The following TMEM163 variants were observed in gnomAD, a reference collection of about 807,000 sequenced individuals.
TMEM163 encodes the protein transmembrane protein 163.
In TMEM163, 17 loss-of-function variants were observed where a neutral mutation model predicts 29.3. The observed-to-expected ratio is 0.58, with a 90% CI of 0.40 to 0.87. TMEM163 has a LOEUF of 0.87. Ranked by LOEUF, TMEM163 falls within the 40% of genes least tolerant of loss-of-function variation. The probability of loss-of-function intolerance (pLI) is 0.00; values close to 1 mark genes in which losing one functional copy is unlikely to be tolerated. For missense variants in TMEM163, 303 were observed against 381.5 expected, an observed-to-expected ratio of 0.79 and a Z score of 1.71; for synonymous variants, 157 against 160.6, an observed-to-expected ratio of 0.98 and a Z score of 0.17.
chr2:134,565,316 A>C (rs887750782), intron 2 of TMEM163, among the ~76,000 whole-genome samples: 5 of 151,456 alleles, frequency 3.3e-5, no homozygotes, highest in Admixed American at 1.3e-4. Flanking sequence ...ATGGAAATAC[A>C]TACTTATGGC....
chr2:134,516,587 A>G (rs1363397742), intron 4 of TMEM163, among the ~76,000 whole-genome samples: 1 of 148,510 alleles, frequency 6.7e-6, no homozygotes, highest in East Asian at 2.0e-4. Context: ...ATATATATTC[A>G]TATATATTCA....
chr2:134,487,010 CA>C (rs1043777827), intron 5 of TMEM163, among the ~76,000 whole-genome samples: 1 of 152,112 alleles, frequency 6.6e-6, no homozygotes, highest in Non-Finnish European at 1.5e-5. Context: ...ACCAAACAAG[CA>C]AACCTCTTAG....
At chr2:134,597,057 A>G (rs1316781548) in intron 2 of TMEM163, among the ~76,000 whole-genome samples, 1 of 152,168 alleles carries the variant, frequency 6.6e-6, no homozygotes, top group Non-Finnish European at 1.5e-5. Flanking sequence ...TGTCATCTGC[A>G]AACAGGGACA....
At chr2:134,562,279 T>C (rs886519313) in intron 2 of TMEM163, among the ~76,000 whole-genome samples, 4 of 152,368 alleles carry the variant, frequency 2.6e-5, no homozygotes, top group African/African-American at 7.2e-5. Context: ...ATCATATTTG[T>C]CTCTATCCTC....
chr2:134,622,012 T>G (rs2104825577), intron 2 of TMEM163, among the ~76,000 whole-genome samples: 1 of 152,236 alleles, frequency 6.6e-6, no homozygotes, highest in Non-Finnish European at 1.5e-5. Flanking sequence ...TGAATGAAAT[T>G]TATTATGCTC....
chr2:134,469,373 CACTT>C (rs1686741407), intron 5 of TMEM163: 1 of 152,154 alleles, frequency 6.6e-6, no homozygotes, highest in South Asian at 2.1e-4. Context: ...GCGGGAGTCC[CACTT>C]ACTAGCTAGG....
At chr2:134,558,212 T>C (rs1207797001) in intron 2 of TMEM163, among the ~76,000 whole-genome samples, 9 of 152,120 alleles carry the variant, frequency 5.9e-5, no homozygotes. Flanking sequence ...AGTGGTTTGT[T>C]AATGGCCCAA....
At position 134,599,741 on chromosome 2, in the gene TMEM163, C is replaced by G. The variant is rs146949410; in HGVS notation, c.323-47650G>C. Among the ~76,000 whole-genome samples, 89 of 150,644 alleles carry G rather than the reference C, an allele frequency of 5.9e-4. 1 individual carries two copies. The East Asian group carries it at 0.013, about 21-fold the overall frequency. On this transcript the variant is annotated intron_variant, in intron 2 of 7. Transcript: ENST00000281924. ...AGAGACAGGATTTCGCCATGTTGCC[C>G]GGGCTGGTCTTGAACTCCTGGGCTC...
chr2:134,610,994 A>C (rs1390399203), intron 2 of TMEM163, among the ~76,000 whole-genome samples: 1 of 152,214 alleles, frequency 6.6e-6, no homozygotes, highest in Non-Finnish European at 1.5e-5. Flanking sequence ...CACAACTAGC[A>C]CATAGAATGG....
intron 4 of TMEM163, among the ~76,000 whole-genome samples, chr2:134,531,169 T>C (rs638382): frequency 0.73 from 111,101 of 152,104 alleles, 42,827 homozygotes; most frequent in East Asian, 0.99. Context: ...TGCCAGTACC[T>C]ACCTCCCTTG....
At chr2:134,536,232 T>C (rs1002026175) in intron 4 of TMEM163, among the ~76,000 whole-genome samples, 2 of 22,962 alleles carry the variant, frequency 8.7e-5, no homozygotes, top group African/African-American at 4.4e-4. Context: ...TAAAACACCA[T>C]TTTTTTTGCC....
chr2:134,508,746 C>T (rs969021582), intron 4 of TMEM163, among the ~76,000 whole-genome samples: 4 of 152,066 alleles, frequency 2.6e-5, no homozygotes, highest in South Asian at 2.1e-4. Flanking sequence ...CATTTCTTCC[C>T]TCAACTCTCC....
chr2:134,587,926 T>C (rs532887555), intron 2 of TMEM163, among the ~76,000 whole-genome samples: 3 of 152,344 alleles, frequency 2.0e-5, no homozygotes, highest in Non-Finnish European at 4.4e-5. Context: ...GTATGAAAAA[T>C]AATCCAGGCA....
Position 134,466,352 on chromosome 2 carries a change from G to T in TMEM163, c.556-127C>A, listed in dbSNP as rs940800080. 7.9e-5 allele frequency: 55 copies of T among 697,650 alleles called. No homozygotes were observed. In the African/African-American group the frequency reaches 8.1e-4, roughly 10 times the overall value. 43.2% of individuals were successfully genotyped at this position (697,650 alleles called of 1,614,324 possible). On this transcript the variant is annotated intron_variant, in intron 5 of 7. Transcript: ENST00000281924. ...GTCAGGTGTGCTGCCACCAGGTGGG[G>T]GTATACTGCATGCTTTCACACCTCA...
At chr2:134,574,388 C>T (rs1389832631) in intron 2 of TMEM163, among the ~76,000 whole-genome samples, 1 of 152,068 alleles carries the variant, frequency 6.6e-6, no homozygotes, top group African/African-American at 2.4e-5. Context: ...GGCAAAATCC[C>T]ATCTCTACAA....
At chr2:134,699,141 G>A (rs1039204279) in intron 2 of TMEM163, among the ~76,000 whole-genome samples, 8 of 152,070 alleles carry the variant, frequency 5.3e-5, no homozygotes, top group African/African-American at 1.2e-4. Context: ...CTAGCATAGC[G>A]CACAGTTCAA....
intron 2 of TMEM163, among the ~76,000 whole-genome samples, chr2:134,625,872 C>T (rs575158031): frequency 6.6e-6 from 1 of 152,306 alleles, no homozygotes; most frequent in East Asian, 1.9e-4. Context: ...CACTGTGATA[C>T]CCTGTCTCCC....
chr2:134,473,971 C>G (rs567858892), intron 5 of TMEM163, among the ~76,000 whole-genome samples: 174 of 152,206 alleles, frequency 1.1e-3, no homozygotes, highest in Admixed American at 2.2e-3. Context: ...TAAAACATCT[C>G]TTTCAGAAAA....
At chr2:134,582,357 G>A (rs1441549642) in intron 2 of TMEM163, among the ~76,000 whole-genome samples, 1 of 152,216 alleles carries the variant, frequency 6.6e-6, no homozygotes, top group African/African-American at 2.4e-5. Context: ...CAGCTGCCAT[G>A]CGGGGGCCGC....
Sources: gnomAD v4.1 joint callset for allele counts (sites outside exome capture counted in the v4.1 genomes callset) on GRCh38, gnomAD v4.1.1 for gene constraint, MANE v1.5 for transcripts, NCBI Gene and HGNC (gene_info 2026-07-23, HGNC 2026-07-21) for gene names.